The following ARSB variants were observed in gnomAD, a reference collection of about 807,000 sequenced individuals.
The protein encoded by ARSB is N-acetylgalactosamine-4-sulfatase.
ARSB carries 41 observed loss-of-function variants against 50.9 expected under a neutral mutation model. The ratio of observed to expected loss-of-function variants is 0.81; its 90% confidence interval spans 0.63 to 1.04. ARSB has a LOEUF of 1.04. Among genes scored for constraint, ARSB ranks in the 50% least tolerant of loss-of-function variants. ARSB has a pLI of 0.00. For missense variants in ARSB, 672 were observed against 693.3 expected, an observed-to-expected ratio of 0.97 and a Z score of 0.35; for synonymous variants, 269 against 284.8, an observed-to-expected ratio of 0.94 and a Z score of 0.56.
At chr5:78,977,161 T>A (rs201727941) in intron 1 of ARSB, among the ~76,000 whole-genome samples, 2 of 93,618 alleles carry the variant, frequency 2.1e-5, no homozygotes, top group African/African-American at 3.6e-5. Context: ...CTTTCCCCAC[T>A]TCCCCCCCGC....
intron 4 of ARSB, among the ~76,000 whole-genome samples, chr5:78,937,793 A>AT (rs1750705469): frequency 6.6e-6 from 1 of 152,112 alleles, no homozygotes; most frequent in Non-Finnish European, 1.5e-5. Context: ...TTCCAAAATG[A>AT]TAACACAGAC....
intron 5 of ARSB, among the ~76,000 whole-genome samples, chr5:78,854,828 A>G (rs1189734071): frequency 6.6e-6 from 1 of 152,058 alleles, no homozygotes; most frequent in Non-Finnish European, 1.5e-5. Context: ...CTCATTTCTG[A>G]AGGGTAGATT....
At chr5:78,828,100 C>T (rs759610382) in intron 6 of ARSB, among the ~76,000 whole-genome samples, 4 of 151,972 alleles carry the variant, frequency 2.6e-5, no homozygotes, top group Admixed American at 6.6e-5. Flanking sequence ...AATCTGCAAT[C>T]GATATCATAC....
At chr5:78,886,961 TTA>T (rs1379537659) in intron 4 of ARSB, among the ~76,000 whole-genome samples, 1 of 152,194 alleles carries the variant, frequency 6.6e-6, no homozygotes, top group East Asian at 1.9e-4. Context: ...TGATTTTGCA[TTA>T]TCTCTCACAG....
rs530743654 is a variant in ARSB, at chr5:78,867,290, G to A, written c.1142+18294C>T. On this transcript the variant is annotated intron_variant, in intron 5 of 7. Transcript: ENST00000264914. ...TTGCTTAGGTAAACAAAGCAGCCGG[G>A]AAGCTCGAACTGGGTGGAGCCCACC... is the stretch of plus-strand genomic sequence containing the variant. 9.9e-5 allele frequency among the ~76,000 whole-genome samples: 15 copies of A among 152,088 alleles called. No individual in the cohort carries two copies. The East Asian group carries it at 1.5e-3, about 16-fold the overall frequency.
chr5:78,797,524 A>C (rs1743229448), intron 6 of ARSB, among the ~76,000 whole-genome samples: 2 of 152,170 alleles, frequency 1.3e-5, no homozygotes, highest in African/African-American at 4.8e-5. Context: ...TGTATTTCAC[A>C]TAGGGATATT....
intron 5 of ARSB, chr5:78,883,787 A>G (rs1419071059): frequency 6.6e-6 from 1 of 152,204 alleles, no homozygotes; most frequent in Non-Finnish European, 1.5e-5. Flanking sequence ...TCTTCTATCC[A>G]TTCCTGAACT....
chr5:78,799,329 C>G (rs190650098), intron 6 of ARSB, among the ~76,000 whole-genome samples: 1 of 152,194 alleles, frequency 6.6e-6, no homozygotes, highest in Non-Finnish European at 1.5e-5. Flanking sequence ...ATTGCTGAAG[C>G]CTCAGTCCTC....
In ARSB at chr5:78,777,353, A is replaced by C. The variant is rs1017199965; in HGVS notation, c.*3044T>G. The C allele has an allele frequency of 1.2e-4, 19 of 152,638 alleles. No homozygotes were observed. Among genetic ancestry groups the C allele is most frequent in the African/African-American group, 4.6e-4 (19 of 41,470 alleles). The allele number at this position is 152,638 out of a possible 1,614,324, so 9.5% of individuals were successfully genotyped here. A position where few individuals can be genotyped will look rare whatever the true frequency, so the allele number is the denominator to read the frequency against. On this transcript the variant is annotated 3_prime_UTR_variant, in exon 8 of 8. Coordinates refer to ENST00000264914, the MANE Select transcript of ARSB (RefSeq NM_000046.5). ...CATTTTAACCACTTTAAAACATACA[A>C]TTCAGTGGCAGTAATTGCATTTATG...
chr5:78,901,457 C>T (rs1035207521), intron 4 of ARSB, among the ~76,000 whole-genome samples: 1 of 152,152 alleles, frequency 6.6e-6, no homozygotes, highest in African/African-American at 2.4e-5. Context: ...ATCAAGATTT[C>T]ATGGAACTGG....
At chr5:78,790,829 A>C (rs1749215829) in intron 6 of ARSB, among the ~76,000 whole-genome samples, 1 of 152,198 alleles carries the variant, frequency 6.6e-6, no homozygotes, top group South Asian at 2.1e-4. Flanking sequence ...AAAACCAAAC[A>C]AAAAAACAAC....
At chr5:78,800,170 T>C (rs1233969556) in intron 6 of ARSB, among the ~76,000 whole-genome samples, 1 of 151,898 alleles carries the variant, frequency 6.6e-6, no homozygotes, top group African/African-American at 2.4e-5. Flanking sequence ...ATACAAAAAT[T>C]AGCTGGGCGT....
intron 6 of ARSB, among the ~76,000 whole-genome samples, chr5:78,808,766 G>T (rs1464516431): frequency 6.6e-6 from 1 of 152,194 alleles, no homozygotes; most frequent in Non-Finnish European, 1.5e-5. Flanking sequence ...ACAGGTCAGC[G>T]CTCCTGCCTC....
At chr5:78,922,330 CTCTG>C (rs1333215289) in intron 4 of ARSB, among the ~76,000 whole-genome samples, 4 of 151,972 alleles carry the variant, frequency 2.6e-5, no homozygotes, top group African/African-American at 4.8e-5. Flanking sequence ...CTAAAGAGGC[CTCTG>C]TCTAACAACT....
intron 6 of ARSB, among the ~76,000 whole-genome samples, chr5:78,808,712 C>A (rs1264129542): frequency 6.6e-6 from 1 of 152,206 alleles, no homozygotes; most frequent in Non-Finnish European, 1.5e-5. Flanking sequence ...AGTCCAAATA[C>A]TTTTGAAGGC....
At chr5:78,971,221 C>T (rs923197457) in intron 1 of ARSB, among the ~76,000 whole-genome samples, 1 of 152,136 alleles carries the variant, frequency 6.6e-6, no homozygotes, top group Non-Finnish European at 1.5e-5. Flanking sequence ...GACAGGGTAT[C>T]CCTCCTTGTC....
At chr5:78,946,349 T>C (rs1463409377) in intron 4 of ARSB, among the ~76,000 whole-genome samples, 1 of 152,142 alleles carries the variant, frequency 6.6e-6, no homozygotes, top group Non-Finnish European at 1.5e-5. Context: ...GAAAAACCTA[T>C]AGCCTCCACA....
At chr5:78,886,482 T>C (rs1748041624) in intron 4 of ARSB, among the ~76,000 whole-genome samples, 1 of 152,074 alleles carries the variant, frequency 6.6e-6, no homozygotes, top group South Asian at 2.1e-4. Context: ...TGAAATAAAG[T>C]TTCATTATGC....
At chr5:78,926,931 G>A (rs1402577655) in intron 4 of ARSB, among the ~76,000 whole-genome samples, 1 of 152,194 alleles carries the variant, frequency 6.6e-6, no homozygotes, top group African/African-American at 2.4e-5. Context: ...GCCCAGGCTG[G>A]AGTGCAATGG....
Sources: allele counts gnomAD v4.1 joint callset (sites outside exome capture counted in the v4.1 genomes callset), GRCh38; gene constraint gnomAD v4.1.1; transcripts MANE v1.5; gene names NCBI Gene and HGNC (gene_info 2026-07-23, HGNC 2026-07-21).